The following SHANK2 variants were observed in gnomAD, a reference collection of about 807,000 sequenced individuals.
SHANK2 encodes the protein SH3 and multiple ankyrin repeat domains 2.
A neutral mutation model predicts 133.7 loss-of-function variants in SHANK2; 43 were observed. The observed-to-expected ratio is 0.32, with a 90% confidence interval of 0.25 to 0.41. SHANK2 has a LOEUF of 0.41. Ranked by LOEUF, SHANK2 falls within the 10% of genes least tolerant of loss-of-function variation. The pLI, the probability that SHANK2 is intolerant of heterozygous loss-of-function variation, is 1.00. For synonymous variants in SHANK2, 1,017 were observed against 952.8 expected (o/e 1.07, Z -1.24); for missense variants, 1,994 against 2,235.8 (o/e 0.89, Z 2.18).
chr11:71,237,779 C>A (rs1954841561), intron 1 of SHANK2, among the ~76,000 whole-genome samples: 1 of 152,204 alleles, frequency 6.6e-6, no homozygotes, highest in Non-Finnish European at 1.5e-5. Context: ...TTCCCAGGCT[C>A]CCCACCTCCT....
intron 2 of SHANK2, among the ~76,000 whole-genome samples, chr11:71,210,808 C>T (rs1555118780): frequency 6.6e-6 from 1 of 152,118 alleles, no homozygotes; most frequent in East Asian, 1.9e-4. Flanking sequence ...CAGCACTCTC[C>T]CTGCTCCAAG....
At chr11:70,606,508 CAAAAAAAAAAAAA>C (rs60348645) in intron 17 of SHANK2, among the ~76,000 whole-genome samples, 1 of 55,070 alleles carries the variant, frequency 1.8e-5, no homozygotes, top group Admixed American at 2.5e-4. Context: ...AACCTTGACT[CAAAAAAAAAAAAA>C]AAAAAAAAAA....
intron 11 of SHANK2, chr11:70,826,867 C>G (rs1005519476): frequency 9.7e-6 from 2 of 206,626 alleles, no homozygotes; most frequent in Non-Finnish European, 2.0e-5. Flanking sequence ...CTCGAGCTGG[C>G]AGCTGGGAGA....
chr11:70,605,695 G>A (rs1285742667), intron 17 of SHANK2, among the ~76,000 whole-genome samples: 1 of 152,222 alleles, frequency 6.6e-6, no homozygotes, highest in Non-Finnish European at 1.5e-5. Flanking sequence ...GAGCTCAACT[G>A]CACGTTTCCC....
At chr11:70,538,967 C>G (rs1288352090) in intron 17 of SHANK2, among the ~76,000 whole-genome samples, 1 of 152,246 alleles carries the variant, frequency 6.6e-6, no homozygotes, top group African/African-American at 2.4e-5. Context: ...CTGGGTTACC[C>G]CGTCGGCCGC....
intron 10 of SHANK2, among the ~76,000 whole-genome samples, chr11:70,950,525 A>C (rs2135891252): frequency 6.6e-6 from 1 of 152,310 alleles, no homozygotes; most frequent in South Asian, 2.1e-4. Context: ...CACGAATCCC[A>C]TCACGGGGGC....
chr11:70,593,821 GTTCC>G (rs1208484994), intron 17 of SHANK2, among the ~76,000 whole-genome samples: 2 of 152,204 alleles, frequency 1.3e-5, no homozygotes, highest in Non-Finnish European at 2.9e-5. Context: ...GTTATCATTA[GTTCC>G]TTCGTTCGTT....
chr11:71,129,546 G>A (rs1183890197), intron 3 of SHANK2, among the ~76,000 whole-genome samples: 16 of 152,166 alleles, frequency 1.1e-4, no homozygotes, highest in Non-Finnish European at 1.0e-4. Context: ...TCTGGAGGCT[G>A]AGATAGAAGG....
At chr11:71,059,494 A>T (rs1026515472) in intron 9 of SHANK2, among the ~76,000 whole-genome samples, 1 of 152,202 alleles carries the variant, frequency 6.6e-6, no homozygotes, top group Non-Finnish European at 1.5e-5. Flanking sequence ...TGTGAATTGC[A>T]TCTCAATAGA....
In SHANK2 at chr11:70,863,845, T is replaced by A; in HGVS notation, c.1174+32656A>T. Reference sequence around the variant, plus strand: ...CAGACAGGAAGAAACCGAGTGAGGATGACGACAGCCACCTGCAAGCCAGGA... The same window carrying A: ...CAGACAGGAAGAAACCGAGTGAGGAAGACGACAGCCACCTGCAAGCCAGGA... On this transcript the variant is annotated intron_variant, in intron 11 of 25. Coordinates refer to ENST00000601538, the MANE Select transcript of SHANK2 (RefSeq NM_012309.5). 4.4e-6 allele frequency: 2 copies of A among 457,590 alleles called. 1 individual carries two copies. The highest frequency in any genetic ancestry group is 4.7e-5 in the Admixed American group (2 of 42,544). 28.3% of individuals were successfully genotyped at this position (457,590 alleles called of 1,614,324 possible).
intron 14 of SHANK2, among the ~76,000 whole-genome samples, chr11:70,794,751 T>A (rs1555048775): frequency 6.6e-6 from 1 of 152,112 alleles, no homozygotes; most frequent in South Asian, 2.1e-4. Flanking sequence ...GAGACAGGTT[T>A]CACCATGTTG....
chr11:71,244,795 C>G lies in SHANK2; in HGVS notation c.-113+7630G>C, dbSNP rs75669386. On this transcript the variant is annotated intron_variant, in intron 1 of 25. Transcript: ENST00000601538. Reference sequence around the variant, plus strand: ...TTGGCTCACTGCAACCTCCGCCTGCCGGGTTCAAGTGATCTCTTGTGCCTT... The same window carrying G: ...TTGGCTCACTGCAACCTCCGCCTGCGGGGTTCAAGTGATCTCTTGTGCCTT... Among the ~76,000 whole-genome samples the G allele has an allele frequency of 1.0e-3, 155 of 152,226 alleles. 3 individuals carry two copies. In the East Asian group the frequency reaches 0.028, roughly 28 times the overall value.
At chr11:71,232,296 T>A (rs533180834) in intron 1 of SHANK2, among the ~76,000 whole-genome samples, 3 of 152,288 alleles carry the variant, frequency 2.0e-5, no homozygotes, top group Admixed American at 2.0e-4. Context: ...CAGCAGCATT[T>A]GAATCTCGAC....
At chr11:70,794,251 A>T (rs1947859032) in intron 14 of SHANK2, among the ~76,000 whole-genome samples, 1 of 148,242 alleles carries the variant, frequency 6.7e-6, no homozygotes, top group South Asian at 2.3e-4. Context: ...ACTGCACTCC[A>T]GTCTGGGCAA....
intron 2 of SHANK2, among the ~76,000 whole-genome samples, chr11:71,208,858 G>A (rs1232653529): frequency 9.9e-5 from 15 of 152,150 alleles, no homozygotes; most frequent in African/African-American, 1.9e-4. Context: ...CTGACTTAGA[G>A]CAGAGGTTGC....
intron 2 of SHANK2, among the ~76,000 whole-genome samples, chr11:71,197,873 C>T (rs114817806): frequency 0.013 from 1,983 of 152,254 alleles, 41 homozygotes; most frequent in African/African-American, 0.046. Flanking sequence ...CTCAGCCCCA[C>T]GGAAAGGGCA....
rs1945024438 is a variant in SHANK2, at chr11:70,681,291, G to T, written c.1853+17397C>A. Among the ~76,000 whole-genome samples the T allele has an allele frequency of 3.3e-5, 5 of 152,306 alleles. No individual in the cohort carries two copies. In the South Asian group the frequency reaches 1.0e-3, roughly 32 times the overall value. On this transcript the variant is annotated intron_variant, in intron 15 of 25. Transcript: ENST00000601538. ...GAATAAACAGCTCCTGCACAGAGAT[G>T]TTTCTCCGCGGCTCAGGATTCGCAC...
At chr11:70,653,547 A>G (rs2061365419) in intron 17 of SHANK2, among the ~76,000 whole-genome samples, 1 of 136,738 alleles carries the variant, frequency 7.3e-6, no homozygotes, top group South Asian at 2.5e-4. Flanking sequence ...GGTTCAAGTG[A>G]TTCTCCTGCC....
chr11:70,943,841 C>T, intron 10 of SHANK2: 1 of 443,800 alleles, frequency 2.3e-6, no homozygotes, highest in Non-Finnish European at 4.5e-6. Flanking sequence ...ACAGGGCCAA[C>T]CACATCCCAC....
Sources: gnomAD v4.1 joint callset for allele counts (sites outside exome capture counted in the v4.1 genomes callset) on GRCh38, gnomAD v4.1.1 for gene constraint, MANE v1.5 for transcripts, NCBI Gene and HGNC (gene_info 2026-07-23, HGNC 2026-07-21) for gene names.